CNGA3: variants seen among roughly 807,000 people sequenced by gnomAD.
The protein encoded by CNGA3 is cyclic nucleotide gated channel subunit alpha 3.
A neutral mutation model predicts 46.6 loss-of-function variants in CNGA3; 42 were observed. The observed-to-expected ratio is 0.90, with a 90% CI of 0.70 to 1.17. The LOEUF (loss-of-function observed/expected upper bound fraction) is 1.17, where lower values mean the gene tolerates loss of function less well. Among genes scored for constraint, CNGA3 ranks in the 50% most tolerant of loss-of-function variants. The pLI, the probability that CNGA3 is intolerant of heterozygous loss-of-function variation, is 0.00. For synonymous variants in CNGA3, 394 were observed against 369.4 expected, an observed-to-expected ratio of 1.07 and a Z score of -0.76; for missense variants, 893 against 890.7, an observed-to-expected ratio of 1.00 and a Z score of -0.03.
chr2:98,375,184 G>T (rs1247222180), intron 2 of CNGA3, among the ~76,000 whole-genome samples: 2 of 152,242 alleles, frequency 1.3e-5, no homozygotes, highest in African/African-American at 2.4e-5. Context: ...CCACTCACCA[G>T]CTCTGATGTT....
chr2:98,388,572 G>C (rs940505349), intron 5 of CNGA3, among the ~76,000 whole-genome samples: 1 of 152,310 alleles, frequency 6.6e-6, no homozygotes, highest in Non-Finnish European at 1.5e-5. Context: ...TCCAAGCTCC[G>C]GGAACTCAAG....
rs764918448 is a variant in CNGA3, at chr2:98,396,707, G to A, written c.1537G>A (p.Gly513Arg). The change falls in exon 8 of 8, where the codon GGA becomes AGA. Residue 513 changes from glycine to arginine, a missense_variant. Physicochemically the swap from Gly to Arg is moderately radical, Grantham distance 125. Coordinates refer to ENST00000272602, the MANE Select transcript of CNGA3 (RefSeq NM_001298.3). Reference sequence around the variant, plus strand: ...CCCTGGGGATTATATCTGCAAGAAGGGAGATATTGGGAAGGAGATGTACAT... The same window carrying A: ...CCCTGGGGATTATATCTGCAAGAAGAGAGATATTGGGAAGGAGATGTACAT... Reference protein sequence around the residue: ...FSPGDYICKKGDIGKEMYIIN... With the variant: ...FSPGDYICKKRDIGKEMYIIN... The A allele has an allele frequency of 5.0e-6, 8 of 1,614,078 alleles. No individual in the cohort carries two copies. The highest frequency in any genetic ancestry group is 1.3e-5 in the African/African-American group (1 of 74,946).
At chr2:98,383,535 C>T in intron 5 of CNGA3, 94 bp downstream of exon 5, 1 of 1,113,884 alleles carries the variant, frequency 9.0e-7, no homozygotes, top group Non-Finnish European at 1.4e-6. Context: ...AGTGCTCCTG[C>T]TCCCCACTCC....
chr2:98,347,158 C>T (rs1291156142), intron 1 of CNGA3: 1 of 152,364 alleles, frequency 6.6e-6, no homozygotes, highest in Non-Finnish European at 1.5e-5. Flanking sequence ...ACTATTTTCC[C>T]TTGGGGATTC....
intron 1 of CNGA3, among the ~76,000 whole-genome samples, chr2:98,352,612 T>C (rs1180013139): frequency 2.0e-5 from 3 of 152,198 alleles, no homozygotes; most frequent in Non-Finnish European, 4.4e-5. Flanking sequence ...TCTGGGGGTG[T>C]CTGTGAGCGA....
chr2:98,386,809 C>T (rs148163249), intron 5 of CNGA3, among the ~76,000 whole-genome samples: 1 of 152,262 alleles, frequency 6.6e-6, no homozygotes, highest in Non-Finnish European at 1.5e-5. Flanking sequence ...GCTAAGGAAG[C>T]CACAGCCTCG....
chr2:98,373,592 G>A (rs79218030), intron 2 of CNGA3, among the ~76,000 whole-genome samples: 1,567 of 152,248 alleles, frequency 0.01, 34 homozygotes, highest in African/African-American at 0.036. Context: ...GAAAGTCATA[G>A]GGAAGAATGA....
At chr2:98,384,521 T>C (rs1193995405) in intron 5 of CNGA3, among the ~76,000 whole-genome samples, 2 of 152,198 alleles carry the variant, frequency 1.3e-5, no homozygotes, top group Admixed American at 6.5e-5. Context: ...ATTTTCTCCA[T>C]GAAGGAAGCA....
chr2:98,354,278 A>T (rs933357165), intron 1 of CNGA3, among the ~76,000 whole-genome samples: 2 of 152,182 alleles, frequency 1.3e-5, no homozygotes, highest in Admixed American at 1.3e-4. Flanking sequence ...GAATCTGCAG[A>T]TGCAGAACCT....
intron 7 of CNGA3, among the ~76,000 whole-genome samples, chr2:98,394,589 C>T (rs1402662134): frequency 3.3e-5 from 5 of 152,178 alleles, no homozygotes; most frequent in Admixed American, 6.5e-5. Context: ...CATCTTGTTT[C>T]ATCTGTTCCT....
At chr2:98,361,421 A>G (rs1285852893) in intron 1 of CNGA3, among the ~76,000 whole-genome samples, 1 of 152,014 alleles carries the variant, frequency 6.6e-6, no homozygotes, top group East Asian at 1.9e-4. Context: ...TTCTTTATCT[A>G]GTCTATCATT....
In CNGA3 at chr2:98,346,463, C is replaced by G; in HGVS notation, c.-109C>G. 2.5e-6 allele frequency: 1 copy of G among 398,608 alleles called. No individual in the cohort carries two copies. The highest frequency in any genetic ancestry group is 4.4e-6 in the Non-Finnish European group (1 of 226,172). 24.7% of individuals were successfully genotyped at this position (398,608 alleles called of 1,614,324 possible). On this transcript the variant is annotated 5_prime_UTR_variant, in exon 1 of 8. Coordinates refer to ENST00000272602, the MANE Select transcript of CNGA3 (RefSeq NM_001298.3). ...GCGGGGGAGGGAGCGAGCGGAACTGCGCCTAGGAGGCCGAGGGAGGAGGCG... is the reference window on the plus strand; with the variant it reads ...GCGGGGGAGGGAGCGAGCGGAACTGGGCCTAGGAGGCCGAGGGAGGAGGCG...
chr2:98,360,277 C>T (rs1486507927), intron 1 of CNGA3, among the ~76,000 whole-genome samples: 1 of 152,208 alleles, frequency 6.6e-6, no homozygotes, highest in African/African-American at 2.4e-5. Context: ...TGGCCCTCAA[C>T]AGGAGGCAGG....
At chr2:98,389,584 C>G in intron 5 of CNGA3, 74 bp from the exon 6 acceptor site, 1 of 1,366,310 alleles carries the variant, frequency 7.3e-7, no homozygotes, top group Non-Finnish European at 1.0e-6. Context: ...TGAAATTGCC[C>G]TAGGCTCTCT....
At chr2:98,377,550 G>A in intron 2 of CNGA3, 137 bp from the exon 3 acceptor site, 2 of 800,172 alleles carry the variant, frequency 2.5e-6, no homozygotes, top group Admixed American at 4.1e-5. Context: ...AAAGGGAAGT[G>A]GGGAGCCCCT....
intron 2 of CNGA3, among the ~76,000 whole-genome samples, chr2:98,375,745 C>T (rs1488969704): frequency 6.6e-6 from 1 of 152,198 alleles, no homozygotes; most frequent in East Asian, 1.9e-4. Context: ...CTCAGCCATC[C>T]TATTAATTTC....
intron 5 of CNGA3, among the ~76,000 whole-genome samples, chr2:98,387,768 C>A (rs1692685682): frequency 6.6e-6 from 1 of 152,206 alleles, no homozygotes; most frequent in African/African-American, 2.4e-5. Flanking sequence ...CCCTTCTGCT[C>A]ACTGGCTTTC....
intron 7 of CNGA3, among the ~76,000 whole-genome samples, chr2:98,395,231 G>C (rs887627389): frequency 2.0e-5 from 3 of 151,594 alleles, no homozygotes; most frequent in African/African-American, 7.3e-5. Context: ...GTGTAGTGGT[G>C]CGATCTTGGC....
At chr2:98,355,161 T>C (rs1006184206) in intron 1 of CNGA3, among the ~76,000 whole-genome samples, 1 of 147,682 alleles carries the variant, frequency 6.8e-6, no homozygotes, top group African/African-American at 2.5e-5. Context: ...AAACATCACT[T>C]GGTTTCCCTG....
Sources: allele counts gnomAD v4.1 joint callset (sites outside exome capture counted in the v4.1 genomes callset), GRCh38; gene constraint gnomAD v4.1.1; transcripts MANE v1.5; gene names NCBI Gene and HGNC (gene_info 2026-07-23, HGNC 2026-07-21).